The following SLC6A6 variants were observed in gnomAD, a reference collection of about 807,000 sequenced individuals.
The protein encoded by SLC6A6 is solute carrier family 6 member 6.
Under a neutral mutation model 68.8 loss-of-function variants are expected in SLC6A6, and 16 were observed. The observed-to-expected ratio is 0.23, with a 90% CI of 0.16 to 0.35. The LOEUF is 0.35. Among genes scored for constraint, SLC6A6 ranks in the 10% least tolerant of loss-of-function variants. SLC6A6 has a pLI of 1.00. For synonymous variants in SLC6A6, 312 were observed against 315.4 expected (o/e 0.99, Z 0.12); for missense variants, 474 against 802.8 (o/e 0.59, Z 4.95).
chr3:14,405,098 G>A (rs187987057), intron 1 of SLC6A6, among the ~76,000 whole-genome samples: 150 of 152,336 alleles, frequency 9.8e-4, no homozygotes, highest in African/African-American at 3.4e-3. Context: ...GGCCCCATGG[G>A]GCTTTGGTCA....
chr3:14,469,912 C>G (rs73817906), intron 9 of SLC6A6, among the ~76,000 whole-genome samples: 3 of 152,282 alleles, frequency 2.0e-5, no homozygotes, highest in African/African-American at 7.2e-5. Flanking sequence ...CTGTTCCCTC[C>G]ACTGAGCCCA....
At chr3:14,427,908 C>T (rs765811949) in intron 2 of SLC6A6, among the ~76,000 whole-genome samples, 17 of 152,278 alleles carry the variant, frequency 1.1e-4, no homozygotes, top group Non-Finnish European at 2.2e-4. Flanking sequence ...TGCCACCATC[C>T]CAAGGGCCAG....
Position 14,443,696 on chromosome 3 carries a change from C to T in SLC6A6, c.62C>T (p.Ser21Leu), listed in dbSNP as rs1014442973. 3.1e-6 allele frequency: 5 copies of T among 1,614,082 alleles called. No individual in the cohort carries two copies. Among genetic ancestry groups the T allele is most frequent in the Non-Finnish European group, 4.2e-6 (5 of 1,180,032 alleles). ...TTCCACAAGGACATCCTGAAGCCCT[C>T]ACCAGGGAAGAGCCCAGGCACGCGG... ...KDFHKDILKP[S>L]PGKSPGTRPE... The change falls in exon 3 of 15, where the codon TCA becomes TTA. Residue 21 changes from serine (S) to leucine (L), a missense_variant. This residue lies in a region of SLC6A6 where 280 missense variants were observed against 533.1 expected (regional missense o/e 0.53). Transcript: ENST00000622186.
At chr3:14,445,916 AC>A in intron 4 of SLC6A6, 65 bp downstream of exon 4, 1 of 1,555,720 alleles carries the variant, frequency 6.4e-7, no homozygotes, top group Admixed American at 1.7e-5. Context: ...TTTATTGAGC[AC>A]CTATTGTCTG....
Position 14,478,455 on chromosome 3 carries a change from T to C in SLC6A6, c.1348-11T>C. 6.3e-7 allele frequency: 1 copy of C among 1,593,856 alleles called. No individual in the cohort carries two copies. The highest frequency in any genetic ancestry group is 2.2e-5 in the East Asian group (1 of 44,794). ...TAGGAAATCGACCTTCTGTGGTTTT[T>C]TTCTTCACAGGGTGGCATGTATGTG... On this transcript the variant is annotated splice_polypyrimidine_tract_variant and intron_variant, in intron 11 of 14. Coordinates refer to ENST00000622186, the MANE Select transcript of SLC6A6 (RefSeq NM_003043.6).
At chr3:14,471,253 T>G (rs567721302) in intron 9 of SLC6A6, among the ~76,000 whole-genome samples, 66 of 152,066 alleles carry the variant, frequency 4.3e-4, no homozygotes, top group African/African-American at 1.5e-3. Context: ...TCAGGCAGGC[T>G]GGAGACAGGA....
intron 5 of SLC6A6, among the ~76,000 whole-genome samples, chr3:14,451,962 C>T (rs1052623555): frequency 4.6e-5 from 7 of 152,194 alleles, no homozygotes; most frequent in Admixed American, 3.3e-4. Flanking sequence ...CTTATATGCC[C>T]CAGATGCATA....
chr3:14,477,000 C>T (rs1700893724), intron 10 of SLC6A6, among the ~76,000 whole-genome samples: 1 of 152,216 alleles, frequency 6.6e-6, no homozygotes, highest in African/African-American at 2.4e-5. Flanking sequence ...TTGTCTGGCT[C>T]CGAGGAGTGG....
chr3:14,424,695 G>A (rs1021686133), intron 2 of SLC6A6, among the ~76,000 whole-genome samples: 1 of 152,228 alleles, frequency 6.6e-6, no homozygotes, highest in African/African-American at 2.4e-5. Flanking sequence ...AGTGCTTGTT[G>A]TTTTGACAAC....
intron 2 of SLC6A6, among the ~76,000 whole-genome samples, chr3:14,442,917 A>G (rs925944758): frequency 1.3e-5 from 2 of 152,208 alleles, no homozygotes; most frequent in African/African-American, 4.8e-5. Flanking sequence ...ACACTTGCAT[A>G]ATCCTCACCA....
chr3:14,408,680 G>A (rs73132904), intron 1 of SLC6A6, among the ~76,000 whole-genome samples: 197 of 152,258 alleles, frequency 1.3e-3, no homozygotes, highest in African/African-American at 4.1e-3. Context: ...ATCCAGGTGT[G>A]CATATGGACA....
intron 6 of SLC6A6, among the ~76,000 whole-genome samples, chr3:14,459,524 C>G (rs1455519227): frequency 6.6e-6 from 1 of 152,076 alleles, no homozygotes; most frequent in Non-Finnish European, 1.5e-5. Flanking sequence ...CATCCTGAAG[C>G]CAAGGGTGGA....
intron 7 of SLC6A6, among the ~76,000 whole-genome samples, chr3:14,467,458 C>T (rs900694328): frequency 6.6e-6 from 1 of 152,202 alleles, no homozygotes; most frequent in Non-Finnish European, 1.5e-5. Flanking sequence ...GTAACTGGCA[C>T]TGGGCTGAAT....
intron 2 of SLC6A6, among the ~76,000 whole-genome samples, chr3:14,440,280 A>G (rs916453951): frequency 1.8e-4 from 28 of 152,060 alleles, no homozygotes; most frequent in Admixed American, 1.8e-3. Context: ...GTTGAGGCTT[A>G]TATTCTGGTC....
At chr3:14,459,685 A>G (rs972912278) in intron 6 of SLC6A6, among the ~76,000 whole-genome samples, 3 of 152,080 alleles carry the variant, frequency 2.0e-5, no homozygotes, top group Non-Finnish European at 2.9e-5. Context: ...TCTCACAAGC[A>G]CACCATTTTA....
chr3:14,435,726 T>A (rs1017388007), intron 2 of SLC6A6, among the ~76,000 whole-genome samples: 1 of 152,226 alleles, frequency 6.6e-6, no homozygotes, highest in Non-Finnish European at 1.5e-5. Context: ...AGGCTGAGTC[T>A]GGCCCCCTCT....
At chr3:14,474,384 T>C (rs1700825419) in intron 10 of SLC6A6, among the ~76,000 whole-genome samples, 1 of 152,100 alleles carries the variant, frequency 6.6e-6, no homozygotes, top group Non-Finnish European at 1.5e-5. Flanking sequence ...TGACCACACA[T>C]TTACCATCTA....
intron 2 of SLC6A6, among the ~76,000 whole-genome samples, chr3:14,435,627 A>G (rs1699835293): frequency 6.6e-6 from 1 of 152,178 alleles, no homozygotes. Context: ...CCTGGTCAGC[A>G]TCTCCGCACG....
intron 2 of SLC6A6, among the ~76,000 whole-genome samples, chr3:14,421,852 G>A (rs1009512949): frequency 5.9e-5 from 9 of 152,182 alleles, no homozygotes; most frequent in Non-Finnish European, 1.3e-4. Flanking sequence ...CTGCTGCTGG[G>A]AGCTGGGGCC....
Sources: gnomAD v4.1 joint callset for allele counts (sites outside exome capture counted in the v4.1 genomes callset) on GRCh38, gnomAD v4.1.1 for gene constraint, gnomAD v4.1.1 regional missense constraint, MANE v1.5 for transcripts, NCBI Gene and HGNC (gene_info 2026-07-23, HGNC 2026-07-21) for gene names.